Variants in CP observed in about 807,000 individuals in gnomAD.
CP encodes ceruloplasmin, also known as caeruloplasmin.
CP carries 64 observed loss-of-function variants against 122.4 expected under a neutral mutation model. The ratio of observed to expected loss-of-function variants is 0.52; its 90% CI spans 0.43 to 0.64. The LOEUF is 0.64. Among genes scored for constraint, CP ranks in the 30% least tolerant of loss-of-function variants. The pLI, the probability that CP is intolerant of heterozygous loss-of-function variation, is 0.00. For missense variants in CP, 1,167 were observed against 1,284.4 expected (o/e 0.91, Z 1.40); for synonymous variants, 440 against 436.4 (o/e 1.01, Z -0.10).
chr3:149,174,538 T>C (rs1344895535), intron 18 of CP, among the ~76,000 whole-genome samples: 2 of 152,184 alleles, frequency 1.3e-5, no homozygotes, highest in Non-Finnish European at 2.9e-5. Flanking sequence ...AATCTGAAAT[T>C]ATGTCAAAAA....
chr3:149,171,577 T>A (rs978983388), downstream of CP, among the ~76,000 whole-genome samples: 4 of 152,032 alleles, frequency 2.6e-5, no homozygotes, highest in Admixed American at 2.0e-4. Context: ...GTGGCTGATA[T>A]AAAATAACCT....
rs1243494124 is a variant in CP at position 149,199,597 on chromosome 3, T to A, written c.1501+115A>T. The A allele has an allele frequency of 3.3e-6, 4 of 1,210,662 alleles. No homozygotes were observed. In the East Asian group the frequency reaches 9.3e-5, roughly 28 times the overall value. 75.0% of individuals were successfully genotyped at this position (1,210,662 alleles called of 1,614,324 possible). A position where few individuals can be genotyped will look rare whatever the true frequency, so the allele number is the denominator to read the frequency against. On this transcript the variant is annotated intron_variant, in intron 8 of 18. Coordinates refer to ENST00000264613, the MANE Select transcript of CP (RefSeq NM_000096.4). ...TTCCTGGCATGATGCCTAGAAATGA[T>A]ATATGAGCGGTTTCCTTGGGAGTTC...
chr3:149,206,532 G>A (rs1172419117), intron 5 of CP, among the ~76,000 whole-genome samples, 193 bp from the exon 6 acceptor site: 1 of 152,136 alleles, frequency 6.6e-6, no homozygotes, highest in African/African-American at 2.4e-5. Flanking sequence ...GATATACTTT[G>A]TTTTTTATGT....
intron 8 of CP, among the ~76,000 whole-genome samples, chr3:149,199,078 T>C (rs1727113688): frequency 6.6e-6 from 1 of 152,240 alleles, no homozygotes; most frequent in Non-Finnish European, 1.5e-5. Context: ...ACAGTCACAC[T>C]GCAAGTGGTA....
chr3:149,177,304 A>G (rs1409555485), intron 17 of CP, among the ~76,000 whole-genome samples: 1 of 152,164 alleles, frequency 6.6e-6, no homozygotes, highest in African/African-American at 2.4e-5. Context: ...CTTAATCAGG[A>G]ATCTGAGCAG....
rs1199444517 is a variant in CP, at chr3:149,209,258, T to C, written c.734A>G (p.Lys245Arg). 1 of 1,613,832 alleles carries C rather than the reference T, an allele frequency of 6.2e-7. No homozygotes were observed. The change falls in exon 4 of 19, where the codon AAA (lysine) becomes AGA (arginine). Residue 245 changes from lysine to arginine, a missense_variant. Physicochemically the swap from Lys to Arg is conservative, Grantham distance 26. Around this residue, in one of 2 missense-constraint regions of CP, gnomAD observed 642 missense variants for 627.3 expected, o/e 1.02. Transcript: ENST00000264613. ...NIKTYCSEPE[K>R]VDKDNEDFQE... ...GAAGTCTTCGTTGTCTTTGTCAACT[T>C]TCTCTGGTTCTGAGCAGTAGGTTTT...
Position 149,206,262 on chromosome 3 carries a change from T to C in CP, c.1114A>G (p.Arg372Gly). 3 of 1,614,060 alleles carry C rather than the reference T, an allele frequency of 1.9e-6. No homozygotes were observed. The highest frequency in any genetic ancestry group is 2.5e-6 in the Non-Finnish European group (3 of 1,179,918). ...SKDNIRGKHV[R>G]HYYIAAEEII... ...TCCTCAGCGGCAATGTAGTAGTGTC[T>C]AACATGCTTCCCACGGATATTATCC... Residue 372 changes from arginine (R) to glycine (G), a missense_variant, in exon 6 of 19, where the codon AGA (arginine) becomes GGA (glycine). Arg to Gly is a moderately radical substitution (Grantham distance 125). Transcript: ENST00000264613.
chr3:149,207,588 G>A lies in CP; in HGVS notation c.811C>T (p.Pro271Ser), dbSNP rs774692355. ...TCTTCAGCACACATGGAGAGTCCTG[G>A]GAGACTTCCAAAAGTGTATCCATTC... is the stretch of plus-strand genomic sequence containing the variant. ...SVNGYTFGSLPGLSMCAEDRV... is the reference protein window; with the variant it reads ...SVNGYTFGSLSGLSMCAEDRV... Residue 271 changes from proline (P) to serine (S), a missense_variant, in exon 5 of 19, where the codon CCA becomes TCA. Physicochemically the swap from Pro to Ser is moderately conservative, Grantham distance 74. This residue lies in a region of CP where 642 missense variants were observed against 627.3 expected (regional missense o/e 1.02). Coordinates refer to ENST00000264613, the MANE Select transcript of CP (RefSeq NM_000096.4). The A allele has an allele frequency of 4.3e-6, 7 of 1,613,858 alleles. No homozygotes were observed. Among genetic ancestry groups the A allele is most frequent in the African/African-American group, 1.3e-5 (1 of 74,998 alleles).
chr3:149,202,605 C>CTTTTTTTTTTTT (rs34873592), intron 6 of CP, among the ~76,000 whole-genome samples: 1 of 106,814 alleles, frequency 9.4e-6, no homozygotes. Flanking sequence ...TGTTGTTTGT[C>CTTTTTTTTTTTT]TTTTTTTTTT....
In CP at chr3:149,219,658, T is replaced by C. The variant is rs1576792989; in HGVS notation, c.146+1989A>G. ...TTTATAAATTACCCAGTCTTGAGTA[T>C]GTCTTTATTAGCAGTGTAAGAACAG... On this transcript the variant is annotated intron_variant, in intron 1 of 18. Transcript: ENST00000264613. Among the ~76,000 whole-genome samples, 4 of 152,048 alleles carry C rather than the reference T, an allele frequency of 2.6e-5. No individual in the cohort carries two copies. The South Asian group carries it at 8.3e-4, about 32-fold the overall frequency.
chr3:149,207,467 A>C lies in CP; in HGVS notation c.932T>G (p.Ile311Ser), dbSNP rs141201185. The C allele has an allele frequency of 2.8e-5, 45 of 1,614,026 alleles. No individual in the cohort carries two copies. The highest frequency in any genetic ancestry group is 3.3e-4 in the Middle Eastern group (2 of 6,062). The change falls in exon 5 of 19, where the codon ATT (isoleucine) becomes AGT (serine). Residue 311 changes from isoleucine (I) to serine (S), a missense_variant. Transcript: ENST00000264613. Reference sequence around the variant, plus strand: ...AGCAGGAAAGAGGTTGATTGTGTCAATACGGTAGTTCTTGTTAGTCAGTGC... The same window carrying C: ...AGCAGGAAAGAGGTTGATTGTGTCACTACGGTAGTTCTTGTTAGTCAGTGC... ...GQALTNKNYRIDTINLFPATL... is the reference protein window; with the variant it reads ...GQALTNKNYRSDTINLFPATL...
chr3:149,174,185 A>G (rs1019810092), intron 18 of CP, among the ~76,000 whole-genome samples: 5 of 152,218 alleles, frequency 3.3e-5, no homozygotes, highest in Non-Finnish European at 7.4e-5. Flanking sequence ...GCCCTTTATT[A>G]AGGAATTATT....
rs571554285 is a variant in CP at position 149,174,058 on chromosome 3, T to C, written c.3182-328A>G. ...GATCAATATCTTGTGCCTCCTGATA[T>C]GGTGTACTAAGAAAAACACAACATC... On this transcript the variant is annotated intron_variant, in intron 18 of 18. Coordinates refer to ENST00000264613, the MANE Select transcript of CP (RefSeq NM_000096.4). Among the ~76,000 whole-genome samples the C allele has an allele frequency of 3.9e-4, 59 of 152,308 alleles. 1 individual carries two copies. Among genetic ancestry groups the C allele is most frequent in the African/African-American group, 1.3e-3 (56 of 41,584 alleles).
At chr3:149,219,307 T>C (rs752883445) in intron 1 of CP, among the ~76,000 whole-genome samples, 2 of 152,188 alleles carry the variant, frequency 1.3e-5, no homozygotes, top group African/African-American at 2.4e-5. Context: ...CTTAAGTATC[T>C]CTATTAAGTA....
At chr3:149,208,657 T>C (rs1425545588) in intron 4 of CP, among the ~76,000 whole-genome samples, 1 of 152,178 alleles carries the variant, frequency 6.6e-6, no homozygotes, top group Non-Finnish European at 1.5e-5. Flanking sequence ...ATAATCTTAC[T>C]AAGCTCATTA....
rs373531113 is a variant in CP, at chr3:149,199,741, T to C, written c.1472A>G (p.Tyr491Cys). 13 of 1,614,026 alleles carry C rather than the reference T, an allele frequency of 8.1e-6. No homozygotes were observed. The African/African-American group carries it at 1.1e-4, about 13-fold the overall frequency. Residue 491 changes from tyrosine to cysteine, a missense_variant, in exon 8 of 19, where the codon TAT (tyrosine) becomes TGT (cysteine). Coordinates refer to ENST00000264613, the MANE Select transcript of CP (RefSeq NM_000096.4). ...RFNKNNEGTY[Y>C]SPNYNPQSRS... ...GCTCTGGGGGTTGTAATTTGGGGAA[T>C]AGTATGTGCCCTCGTTGTTCTTATT...
intron 1 of CP, among the ~76,000 whole-genome samples, chr3:149,217,455 G>A (rs1161816660): frequency 6.6e-6 from 1 of 152,102 alleles, no homozygotes; most frequent in Non-Finnish European, 1.5e-5. Context: ...TGTAACTAGA[G>A]ACTTTACCAA....
intron 1 of CP, among the ~76,000 whole-genome samples, chr3:149,220,065 A>G (rs1410769160): frequency 6.6e-6 from 1 of 152,174 alleles, no homozygotes; most frequent in Non-Finnish European, 1.5e-5. Context: ...ACAGGCTTAT[A>G]CTCATTGGGT....
chr3:149,208,840 T>C (rs1727924621), intron 4 of CP, among the ~76,000 whole-genome samples: 1 of 152,226 alleles, frequency 6.6e-6, no homozygotes, highest in African/African-American at 2.4e-5. Context: ...TTTTCTTAAA[T>C]ATAGTTAGAT....
Sources: allele counts gnomAD v4.1 joint callset (sites outside exome capture counted in the v4.1 genomes callset), GRCh38; gene constraint gnomAD v4.1.1; regional missense constraint gnomAD v4.1.1; transcripts MANE v1.5; gene names NCBI Gene and HGNC (gene_info 2026-07-23, HGNC 2026-07-21).